The following KLHL7 variants were observed in gnomAD, a reference collection of about 807,000 sequenced individuals.
KLHL7 encodes kelch like family member 7.
KLHL7 carries 44 observed loss-of-function variants against 67.4 expected under a neutral mutation model. The observed-to-expected ratio is 0.65, with a 90% CI of 0.51 to 0.84. KLHL7 has a LOEUF of 0.84. KLHL7 is among the 40% of genes least tolerant of loss of function. The probability of loss-of-function intolerance (pLI) is 0.00; values close to 1 mark genes in which losing one functional copy is unlikely to be tolerated. For synonymous variants in KLHL7, 252 were observed against 243.3 expected (o/e 1.04, Z -0.33); for missense variants, 362 against 718.1 (o/e 0.50, Z 5.67).
At chr7:23,143,811 T>A in intron 5 of KLHL7, 40 bp from the exon 6 acceptor site, 1 of 1,594,028 alleles carries the variant, frequency 6.3e-7, no homozygotes, top group African/African-American at 1.3e-5. Context: ...GAAATGTTGC[T>A]GTCTTCTAAG....
chr7:23,169,653 T>G (rs537419298), intron 9 of KLHL7, among the ~76,000 whole-genome samples: 1 of 152,232 alleles, frequency 6.6e-6, no homozygotes, highest in African/African-American at 2.4e-5. Flanking sequence ...TAAATTAATA[T>G]TGATTTTTTA....
At chr7:23,146,648 C>G (rs991704067) in intron 6 of KLHL7, among the ~76,000 whole-genome samples, 4 of 128,448 alleles carry the variant, frequency 3.1e-5, no homozygotes, top group Admixed American at 2.9e-4. Context: ...TAGAGTTCTT[C>G]TTCTTCTTCT....
At chr7:23,173,876 G>T in intron 10 of KLHL7, 139 bp from the exon 11 acceptor site, 1 of 832,244 alleles carries the variant, frequency 1.2e-6, no homozygotes, top group Non-Finnish European at 2.0e-6. Flanking sequence ...GACATTCACT[G>T]TAAAATTATT....
Position 23,175,402 on chromosome 7 carries a change from A to C in KLHL7, c.*1104A>C, listed in dbSNP as rs1442658782. On this transcript the variant is annotated 3_prime_UTR_variant, in exon 11 of 11. Coordinates refer to ENST00000339077, the MANE Select transcript of KLHL7 (RefSeq NM_001031710.3). ...ATCAATGTTTTTATCTGATAATATTAAATATTTTTTAACTTAAAATAGGCC... is the reference window on the plus strand; with the variant it reads ...ATCAATGTTTTTATCTGATAATATTCAATATTTTTTAACTTAAAATAGGCC... The C allele has an allele frequency of 2.3e-6, 1 of 439,920 alleles. No individual in the cohort carries two copies. Among genetic ancestry groups the C allele is most frequent in the East Asian group, 7.0e-5 (1 of 14,238 alleles). The allele number at this position is 439,920 out of a possible 1,614,324, so 27.3% of individuals were successfully genotyped here. A position where few individuals can be genotyped will look rare whatever the true frequency, so the allele number is the denominator to read the frequency against.
At chr7:23,144,466 C>A (rs76467527) in intron 6 of KLHL7, among the ~76,000 whole-genome samples, 1,967 of 152,294 alleles carry the variant, frequency 0.013, 48 homozygotes, top group African/African-American at 0.044. Flanking sequence ...CACCTTTGTA[C>A]AATGCCACTT....
chr7:23,124,591 A>AT, intron 2 of KLHL7, 97 bp from the exon 3 acceptor site: 1 of 778,414 alleles, frequency 1.3e-6, no homozygotes, highest in South Asian at 1.4e-5. Flanking sequence ...CTGTCCCGTT[A>AT]TTTTTCTGCA....
At chr7:23,129,465 A>G (rs1400942861) in intron 4 of KLHL7, 3 of 336,488 alleles carry the variant, frequency 8.9e-6, no homozygotes, top group South Asian at 6.2e-5. Context: ...TGCCATAGGC[A>G]GAAGCCCTAG....
intron 7 of KLHL7, among the ~76,000 whole-genome samples, chr7:23,162,288 T>A (rs1436041515): frequency 6.6e-6 from 1 of 152,252 alleles, no homozygotes; most frequent in African/African-American, 2.4e-5. Context: ...AGTTTTCTTA[T>A]CTGTAAATGA....
At chr7:23,143,441 C>A (rs1250903168) in intron 5 of KLHL7, among the ~76,000 whole-genome samples, 3 of 152,110 alleles carry the variant, frequency 2.0e-5, no homozygotes, top group Admixed American at 6.5e-5. Flanking sequence ...GGGTGACCTT[C>A]GTATCTCCTG....
At chr7:23,121,522 A>T (rs1783340643) in intron 1 of KLHL7, among the ~76,000 whole-genome samples, 2 of 150,664 alleles carry the variant, frequency 1.3e-5, no homozygotes, top group Non-Finnish European at 3.0e-5. Context: ...CTGGTCTCGA[A>T]TTCCTAGGCT....
intron 1 of KLHL7, among the ~76,000 whole-genome samples, chr7:23,115,734 G>T (rs191511250): frequency 1.5e-4 from 23 of 151,886 alleles, no homozygotes; most frequent in African/African-American, 5.1e-4. Context: ...TAGTAGAGAC[G>T]GGGTTTTACC....
intron 7 of KLHL7, among the ~76,000 whole-genome samples, chr7:23,161,331 T>C (rs1488529909): frequency 6.6e-6 from 1 of 152,212 alleles, no homozygotes; most frequent in African/African-American, 2.4e-5. Context: ...TCAGTGAGAA[T>C]GTCATCATTT....
Position 23,172,952 on chromosome 7 carries a change from A to G in KLHL7, c.1384A>G (p.Thr462Ala), listed in dbSNP as rs1785207667. The change falls in exon 10 of 11, where the codon ACT (threonine) becomes GCT (alanine). Residue 462 changes from threonine (T) to alanine (A), a missense_variant. Coordinates refer to ENST00000339077, the MANE Select transcript of KLHL7 (RefSeq NM_001031710.3). ...EVYDPATETW[T>A]ELCPMIEARK... ...TAAAAACTTTAATTTTTTCAGATGGACTGAGCTGTGTCCAATGATTGAAGC... is the reference window on the plus strand; with the variant it reads ...TAAAAACTTTAATTTTTTCAGATGGGCTGAGCTGTGTCCAATGATTGAAGC... 1 of 1,612,726 alleles carries G rather than the reference A, an allele frequency of 6.2e-7. No homozygotes were observed. Among genetic ancestry groups the G allele is most frequent in the Non-Finnish European group, 8.5e-7 (1 of 1,178,958 alleles).
At position 23,177,233 on chromosome 7, in the gene KLHL7, G is replaced by GA; in HGVS notation, c.*2940dup. The GA allele has an allele frequency of 6.6e-6, 1 of 152,038 alleles. No individual in the cohort carries two copies. The highest frequency in any genetic ancestry group is 1.5e-5 in the Non-Finnish European group (1 of 67,992). The allele number at this position is 152,038 out of a possible 1,614,324, so 9.4% of individuals were successfully genotyped here. On this transcript the variant is annotated 3_prime_UTR_variant, in exon 11 of 11. Transcript: ENST00000339077. ...AGGGTTTTCAATTTTGCACTCTATT[G>GA]AAAAATGTGGCTAGTTTAATTTTTT...
At chr7:23,143,066 A>G (rs984901508) in intron 5 of KLHL7, among the ~76,000 whole-genome samples, 1 of 152,252 alleles carries the variant, frequency 6.6e-6, no homozygotes, top group Non-Finnish European at 1.5e-5. Context: ...TTTGTTTAAA[A>G]AAAGACCAAT....
At chr7:23,128,409 A>G (rs1177488741) in intron 4 of KLHL7, among the ~76,000 whole-genome samples, 2 of 137,442 alleles carry the variant, frequency 1.5e-5, no homozygotes, top group Admixed American at 1.6e-4. Context: ...TAAGACTACG[A>G]CTTCTTTGGG....
intron 1 of KLHL7, among the ~76,000 whole-genome samples, chr7:23,123,284 A>G (rs912493212): frequency 4.6e-5 from 7 of 152,198 alleles, no homozygotes; most frequent in South Asian, 2.1e-4. Flanking sequence ...TTCTGTTTCA[A>G]GTTAGATCTG....
intron 9 of KLHL7, among the ~76,000 whole-genome samples, chr7:23,169,418 T>C (rs1785092336): frequency 6.6e-6 from 1 of 152,184 alleles, no homozygotes. Flanking sequence ...GTCTTGAAAT[T>C]TGTCTTTTGC....
chr7:23,124,066 G>A (rs1367787257), intron 2 of KLHL7, among the ~76,000 whole-genome samples, 187 bp downstream of exon 2: 1 of 151,716 alleles, frequency 6.6e-6, no homozygotes, highest in African/African-American at 2.4e-5. Context: ...AGACCTAAAG[G>A]CCTGATGCCT....
Sources: allele counts gnomAD v4.1 joint callset (sites outside exome capture counted in the v4.1 genomes callset), GRCh38; gene constraint gnomAD v4.1.1; transcripts MANE v1.5; gene names NCBI Gene and HGNC (gene_info 2026-07-23, HGNC 2026-07-21).